ARHGAP39: variants seen among roughly 807,000 people sequenced by gnomAD.
ARHGAP39 encodes rho GTPase-activating protein 39.
Under a neutral mutation model 106.9 loss-of-function variants are expected in ARHGAP39, and 44 were observed. The observed-to-expected ratio is 0.41, with a 90% CI of 0.32 to 0.53. The LOEUF (loss-of-function observed/expected upper bound fraction) is 0.53, where lower values mean the gene tolerates loss of function less well. ARHGAP39 is among the 20% of genes least tolerant of loss of function. ARHGAP39 has a pLI of 0.21. For synonymous variants in ARHGAP39, 768 were observed against 693.2 expected, an observed-to-expected ratio of 1.11 and a Z score of -1.69; for missense variants, 1,496 against 1,577.3, an observed-to-expected ratio of 0.95 and a Z score of 0.87.
chr8:144,579,201 C>CAAAAAAAAAAAAAAAA (rs541332282), intron 3 of ARHGAP39, among the ~76,000 whole-genome samples: 1 of 39,918 alleles, frequency 2.5e-5, no homozygotes, highest in African/African-American at 8.4e-5. Flanking sequence ...GACTCTGTCT[C>CAAAAAAAAAAAAAAAA]AAAAAAAAAA....
chr8:144,577,005 C>T (rs1818801679), intron 3 of ARHGAP39, among the ~76,000 whole-genome samples: 1 of 152,198 alleles, frequency 6.6e-6, no homozygotes, highest in South Asian at 2.1e-4. Flanking sequence ...ATGCTGCAGT[C>T]ACCTTTCCAC....
chr8:144,568,476 A>AG (rs1421881932), intron 3 of ARHGAP39, among the ~76,000 whole-genome samples: 1 of 138,366 alleles, frequency 7.2e-6, no homozygotes, highest in East Asian at 2.1e-4. Flanking sequence ...AGATGGACAC[A>AG]AATCTGGATC....
intron 2 of ARHGAP39, among the ~76,000 whole-genome samples, chr8:144,602,236 T>TAG (rs1820025138): frequency 7.3e-6 from 1 of 137,440 alleles, no homozygotes; most frequent in Non-Finnish European, 1.5e-5. Context: ...TGTGTGCATG[T>TAG]GCGTGGAGGT....
chr8:144,580,789 T>A, intron 3 of ARHGAP39, 57 bp downstream of exon 3: 12 of 106,542 alleles, frequency 1.1e-4, no homozygotes, highest in African/African-American at 6.5e-4. Context: ...CTGCCTCACC[T>A]GGCCCCGCCC....
the ARHGAP39 span, among the ~76,000 whole-genome samples, chr8:144,691,087 C>T: frequency 1.2e-3 from 180 of 152,280 alleles, no homozygotes; most frequent in Middle Eastern, 6.8e-3. Flanking sequence ...CTTGGCAGCT[C>T]TTCTCCCCGA....
chr8:144,642,946 G>C (rs966492180), intron 1 of ARHGAP39, among the ~76,000 whole-genome samples: 1 of 151,984 alleles, frequency 6.6e-6, no homozygotes, highest in African/African-American at 2.4e-5. Context: ...ACAGGAGATT[G>C]AGGCTGCCGT....
chr8:144,602,802 G>T (rs1295292305), intron 2 of ARHGAP39, among the ~76,000 whole-genome samples: 21 of 139,930 alleles, frequency 1.5e-4, no homozygotes, highest in African/African-American at 5.5e-4. Flanking sequence ...GTGTGCATGT[G>T]CATGGAGGCG....
chr8:144,591,880 C>T lies in ARHGAP39; in HGVS notation c.81-10603G>A, dbSNP rs1442650055. Among the ~76,000 whole-genome samples, 1 of 152,116 alleles carries T rather than the reference C, an allele frequency of 6.6e-6. No homozygotes were observed. The highest frequency in any genetic ancestry group is 2.4e-5 in the African/African-American group (1 of 41,428). On this transcript the variant is annotated intron_variant, in intron 2 of 11. Coordinates refer to ENST00000377307, the MANE Select transcript of ARHGAP39 (RefSeq NM_025251.3). The surrounding 1 kb of genome is among the most constrained non-coding windows in gnomAD (Gnocchi z 5.3). ...GGCGGCGTCGCCTCGTCGCCTCGTG[C>T]CTGCGGGGAGTGCTGCCTGTGGGGA...
chr8:144,627,583 G>A (rs747463491), intron 1 of ARHGAP39, among the ~76,000 whole-genome samples: 5 of 150,744 alleles, frequency 3.3e-5, no homozygotes, highest in Non-Finnish European at 7.4e-5. Context: ...AAAGGAAGGA[G>A]GTTCACAATG....
At chr8:144,575,148 T>C (rs112671455) in intron 3 of ARHGAP39, among the ~76,000 whole-genome samples, 14,080 of 152,220 alleles carry the variant, frequency 0.092, 1,525 homozygotes, top group African/African-American at 0.26. Context: ...ACACCTGTAC[T>C]GGGCACTTAC....
chr8:144,559,368 A>G, intron 3 of ARHGAP39, among the ~76,000 whole-genome samples: 1 of 150,956 alleles, frequency 6.6e-6, no homozygotes, highest in East Asian at 1.9e-4. Context: ...AAAAAAAAAA[A>G]AAAAAAAAAA....
At chr8:144,613,534 T>C (rs571247565) in intron 1 of ARHGAP39, among the ~76,000 whole-genome samples, 49 of 152,208 alleles carry the variant, frequency 3.2e-4, no homozygotes, top group Non-Finnish European at 5.0e-4. Flanking sequence ...CACTACACCA[T>C]TGTCTTCGCA....
intron 1 of ARHGAP39, among the ~76,000 whole-genome samples, chr8:144,674,143 G>A (rs1822172503): frequency 6.7e-6 from 1 of 149,940 alleles, no homozygotes; most frequent in South Asian, 2.2e-4. Context: ...GCGGTGGTCG[G>A]GGGGAGTGTG....
chr8:144,630,113 A>G (rs1474930248), intron 1 of ARHGAP39, among the ~76,000 whole-genome samples: 2 of 152,288 alleles, frequency 1.3e-5, no homozygotes, highest in East Asian at 3.9e-4. Context: ...CTTGAGGCCC[A>G]GAGCACACGA....
intron 1 of ARHGAP39, among the ~76,000 whole-genome samples, chr8:144,618,798 G>GC (rs1207048824): frequency 6.6e-6 from 1 of 152,246 alleles, no homozygotes; most frequent in African/African-American, 2.4e-5. Flanking sequence ...GGCCTCCCCA[G>GC]CCCCCGGCAC....
At chr8:144,540,689 A>C (rs1817152817) in intron 6 of ARHGAP39, among the ~76,000 whole-genome samples, 1 of 151,774 alleles carries the variant, frequency 6.6e-6, no homozygotes, top group Non-Finnish European at 1.5e-5. Flanking sequence ...GGCCCCAGCT[A>C]CTCGGGAGGC....
rs1563732171 is a variant in ARHGAP39 at position 144,671,572 on chromosome 8, C to T, written c.-82+14114G>A. 1.3e-5 allele frequency among the ~76,000 whole-genome samples: 2 copies of T among 152,220 alleles called. No homozygotes were observed. Among genetic ancestry groups the T allele is most frequent in the South Asian group, 2.1e-4 (1 of 4,824 alleles). On this transcript the variant is annotated intron_variant, in intron 1 of 11. Coordinates refer to ENST00000377307, the MANE Select transcript of ARHGAP39 (RefSeq NM_025251.3). This position sits in a 1 kb window ranked among gnomAD's most constrained non-coding sequence, Gnocchi z 4.5. The stretch of plus-strand genomic sequence containing the variant: ...ACTCCAGTCACAGAGCTGCCGGCTC[C>T]GGCCACACATCCCTCCCGCCTGAGG...
At chr8:144,668,854 A>G (rs760599754) in intron 1 of ARHGAP39, among the ~76,000 whole-genome samples, 6 of 152,222 alleles carry the variant, frequency 3.9e-5, no homozygotes, top group Non-Finnish European at 8.8e-5. Context: ...CAAGGGATCC[A>G]CCAGGATAGC....
intron 1 of ARHGAP39, among the ~76,000 whole-genome samples, chr8:144,631,233 G>A (rs557492002): frequency 6.6e-6 from 1 of 152,352 alleles, no homozygotes; most frequent in Admixed American, 6.5e-5. Flanking sequence ...CAACACCGGG[G>A]ATTATATTTC....
Sources: gnomAD v4.1 joint callset for allele counts (sites outside exome capture counted in the v4.1 genomes callset) on GRCh38, gnomAD v4.1.1 for gene constraint, Gnocchi (gnomAD v3.1) non-coding constraint, MANE v1.5 for transcripts, NCBI Gene and HGNC (gene_info 2026-07-23, HGNC 2026-07-21) for gene names.